The following COA1 variants were observed in gnomAD, a reference collection of about 807,000 sequenced individuals.
The protein encoded by COA1 is cytochrome c oxidase assembly factor 1 homolog.
In COA1, 13 loss-of-function variants were observed where a neutral mutation model predicts 16.0. The ratio of observed to expected loss-of-function variants is 0.81; its 90% CI spans 0.53 to 1.29. The LOEUF (loss-of-function observed/expected upper bound fraction) is 1.29, where lower values mean the gene tolerates loss of function less well. Among genes scored for constraint, COA1 ranks in the 50% most tolerant of loss-of-function variants. COA1 has a pLI of 0.00. For synonymous variants in COA1, 65 were observed against 65.7 expected (o/e 0.99, Z 0.05); for missense variants, 179 against 177.0 (o/e 1.01, Z -0.06).
intron 1 of COA1, among the ~76,000 whole-genome samples, chr7:43,721,362 C>T (rs565738478): frequency 3.1e-4 from 47 of 152,312 alleles, no homozygotes; most frequent in African/African-American, 1.0e-3. Flanking sequence ...CAAAAAGCCA[C>T]AATCTTTATT....
chr7:43,633,846 CTCTT>C (rs2085434718), intron 6 of COA1, among the ~76,000 whole-genome samples: 1 of 152,114 alleles, frequency 6.6e-6, no homozygotes, highest in Non-Finnish European at 1.5e-5. Flanking sequence ...CCTCCCTCTC[CTCTT>C]TCTTAGAGCC....
intron 1 of COA1, among the ~76,000 whole-genome samples, chr7:43,658,553 C>G (rs185214671): frequency 1.8e-3 from 273 of 152,116 alleles, no homozygotes; most frequent in Non-Finnish European, 3.3e-3. Flanking sequence ...TTCTTAAGAC[C>G]AAATAACATA....
intron 3 of COA1, chr7:43,646,359 C>T (rs1045222464): frequency 2.9e-6 from 1 of 348,072 alleles, no homozygotes; most frequent in Non-Finnish European, 5.8e-6. Context: ...ATATTCCACA[C>T]ATCTCACAAT....
chr7:43,670,443 A>G (rs1281879348), intron 1 of COA1, among the ~76,000 whole-genome samples: 2 of 152,034 alleles, frequency 1.3e-5, no homozygotes, highest in East Asian at 3.9e-4. Flanking sequence ...ACAGGGTGAG[A>G]CTTGGTCTAA....
chr7:43,716,495 AG>A (rs1024967106), intron 1 of COA1, among the ~76,000 whole-genome samples: 9 of 152,226 alleles, frequency 5.9e-5, no homozygotes, highest in African/African-American at 2.2e-4. Flanking sequence ...GGTATCTAGC[AG>A]AAGAAATTTC....
chr7:43,646,736 T>G lies in COA1; in HGVS notation c.115+799A>C, dbSNP rs1434636959. 2.7e-5 allele frequency: 11 copies of G among 401,610 alleles called. No individual in the cohort carries two copies. The East Asian group carries it at 7.9e-4, about 29-fold the overall frequency. 24.9% of individuals were successfully genotyped at this position (401,610 alleles called of 1,614,324 possible). A position where few individuals can be genotyped will look rare whatever the true frequency, so the allele number is the denominator to read the frequency against. On this transcript the variant is annotated intron_variant, in intron 3 of 5. Transcript: ENST00000223336. ...CTGGGAACGCTCATCTCAGGCCCCCTCCAGACTCTGCAACTCCACCAACTC... is the reference window on the plus strand; with the variant it reads ...CTGGGAACGCTCATCTCAGGCCCCCGCCAGACTCTGCAACTCCACCAACTC...
intron 6 of COA1, chr7:43,619,851 A>G (rs779381424): frequency 1.2e-4 from 148 of 1,228,896 alleles, no homozygotes; most frequent in Admixed American, 1.5e-4. Flanking sequence ...TCAGAGATCT[A>G]TTCCTTTGGA....
chr7:43,626,928 A>G (rs1173589209), intron 6 of COA1: 1 of 152,192 alleles, frequency 6.6e-6, no homozygotes, highest in African/African-American at 2.4e-5. Context: ...GTAAAGGTGT[A>G]TTGGCATTTT....
intron 1 of COA1, among the ~76,000 whole-genome samples, chr7:43,666,442 GA>G (rs1165095500): frequency 6.6e-6 from 1 of 152,180 alleles, no homozygotes; most frequent in Non-Finnish European, 1.5e-5. Flanking sequence ...ACTGGCAAAT[GA>G]AAAATCTTAA....
chr7:43,705,950 T>C (rs2094955563), intron 1 of COA1, among the ~76,000 whole-genome samples: 1 of 152,118 alleles, frequency 6.6e-6, no homozygotes, highest in Non-Finnish European at 1.5e-5. Context: ...CCTTTCAGCC[T>C]GGTATCTGCA....
intron 1 of COA1, among the ~76,000 whole-genome samples, chr7:43,667,838 G>A (rs1479853628): frequency 6.6e-6 from 1 of 152,172 alleles, no homozygotes; most frequent in Admixed American, 6.5e-5. Flanking sequence ...GTTTTTCAGA[G>A]TCCAGGAAAC....
chr7:43,724,246 G>A (rs1177298256), intron 1 of COA1, among the ~76,000 whole-genome samples: 2 of 151,894 alleles, frequency 1.3e-5, no homozygotes, highest in East Asian at 1.9e-4. Context: ...TTCTGGATAC[G>A]TATACCTAAA....
chr7:43,706,286 C>T (rs996136350), intron 1 of COA1, among the ~76,000 whole-genome samples: 2 of 152,060 alleles, frequency 1.3e-5, no homozygotes, highest in Non-Finnish European at 2.9e-5. Flanking sequence ...GCCTGTAATC[C>T]CAGTACTTTG....
At chr7:43,641,198 G>C (rs368437935) in intron 4 of COA1, 1 of 151,926 alleles carries the variant, frequency 6.6e-6, no homozygotes, top group African/African-American at 2.4e-5. Flanking sequence ...GGGAATTCAG[G>C]TGCTGGGAAC....
intron 1 of COA1, among the ~76,000 whole-genome samples, chr7:43,693,661 C>G (rs1470014149): frequency 6.6e-6 from 1 of 152,110 alleles, no homozygotes; most frequent in Non-Finnish European, 1.5e-5. Flanking sequence ...CCATCCTTCA[C>G]CCAGCTTAGA....
intron 1 of COA1, among the ~76,000 whole-genome samples, chr7:43,697,457 C>A (rs995780080): frequency 6.6e-6 from 1 of 151,946 alleles, no homozygotes; most frequent in African/African-American, 2.4e-5. Context: ...CCATTCCCAG[C>A]TAATTTTTGT....
At chr7:43,691,377 G>GGGAGGAAGGAAGGA (rs2094329514) in intron 1 of COA1, among the ~76,000 whole-genome samples, 1 of 30,820 alleles carries the variant, frequency 3.2e-5, no homozygotes. Context: ...GGGAGGGAGG[G>GGGAGGAAGGAAGGA]AGGAAGGAAG....
intron 1 of COA1, among the ~76,000 whole-genome samples, chr7:43,728,814 G>GA (rs1452095737): frequency 2.0e-5 from 3 of 152,206 alleles, no homozygotes; most frequent in Non-Finnish European, 4.4e-5. Flanking sequence ...GAAGACCGGA[G>GA]AAACAGGTTA....
chr7:43,712,171 G>A (rs2095271424), intron 1 of COA1, among the ~76,000 whole-genome samples: 1 of 151,860 alleles, frequency 6.6e-6, no homozygotes, highest in South Asian at 2.1e-4. Context: ...GGAGTACAAT[G>A]GCACAATCTC....
Sources: gnomAD v4.1 joint callset for allele counts (sites outside exome capture counted in the v4.1 genomes callset) on GRCh38, gnomAD v4.1.1 for gene constraint, MANE v1.5 for transcripts, NCBI Gene and HGNC (gene_info 2026-07-23, HGNC 2026-07-21) for gene names.